The following NCF4 variants were observed in gnomAD, a reference collection of about 807,000 sequenced individuals.
NCF4 encodes the protein neutrophil cytosolic factor 4.
A neutral mutation model predicts 41.7 loss-of-function variants in NCF4; 30 were observed. The ratio of observed to expected loss-of-function variants is 0.72; its 90% confidence interval spans 0.54 to 0.97. The LOEUF (loss-of-function observed/expected upper bound fraction) is 0.97. Among genes scored for constraint, NCF4 ranks in the 50% least tolerant of loss-of-function variants. The pLI is 0.00. For synonymous variants in NCF4, 195 were observed against 175.8 expected, an observed-to-expected ratio of 1.11 and a Z score of -0.87; for missense variants, 432 against 460.9, an observed-to-expected ratio of 0.94 and a Z score of 0.57.
intron 4 of NCF4, among the ~76,000 whole-genome samples, chr22:36,869,128 T>A (rs973756513): frequency 1.3e-5 from 2 of 152,220 alleles, no homozygotes; most frequent in African/African-American, 4.8e-5. Context: ...GAGTTAAGTG[T>A]GACAGAGCAG....
At chr22:36,873,008 ATGGAGGTGAGAC>A (rs1313678532) in intron 7 of NCF4, among the ~76,000 whole-genome samples, 3 of 95,368 alleles carry the variant, frequency 3.1e-5, no homozygotes, top group Non-Finnish European at 4.2e-5. Flanking sequence ...GGAGGTGAGG[ATGGAGGTGAGAC>A]TGGAGGTGAG....
chr22:36,866,071 C>T (rs968721812), intron 3 of NCF4, among the ~76,000 whole-genome samples: 1 of 152,184 alleles, frequency 6.6e-6, no homozygotes, highest in African/African-American at 2.4e-5. Flanking sequence ...CAGCCTCAAC[C>T]CTCTTCTGTC....
At chr22:36,869,224 A>T (rs1939997114) in intron 4 of NCF4, among the ~76,000 whole-genome samples, 1 of 152,196 alleles carries the variant, frequency 6.6e-6, no homozygotes, top group Non-Finnish European at 1.5e-5. Flanking sequence ...TGTAATGAAA[A>T]TCACAGTAAC....
chr22:36,875,597 C>T (rs772646618), intron 7 of NCF4, 56 bp from the exon 8 acceptor site: 49 of 1,520,044 alleles, frequency 3.2e-5, no homozygotes, highest in Non-Finnish European at 4.2e-5. Context: ...GGCTCTGAGG[C>T]GTGGCTCTGC....
chr22:36,874,060 AG>A (rs1198526334), intron 7 of NCF4, among the ~76,000 whole-genome samples: 1 of 152,208 alleles, frequency 6.6e-6, no homozygotes, highest in Non-Finnish European at 1.5e-5. Context: ...CTTCCTGGAA[AG>A]GGTAAAGGAG....
intron 2 of NCF4, among the ~76,000 whole-genome samples, chr22:36,864,614 C>A (rs746351558): frequency 1.3e-5 from 2 of 152,084 alleles, no homozygotes; most frequent in Non-Finnish European, 2.9e-5. Flanking sequence ...CAAGGCATGG[C>A]TCCTCATTTC....
intron 8 of NCF4, 112 bp from the exon 9 acceptor site, chr22:36,875,917 G>A (rs1451677031): frequency 6.2e-7 from 1 of 1,614,060 alleles, no homozygotes; most frequent in South Asian, 1.1e-5. Flanking sequence ...CCACAATGCT[G>A]TAACAAGCCA....
chr22:36,861,741 T>C (rs1412233832), intron 1 of NCF4, among the ~76,000 whole-genome samples: 1 of 152,244 alleles, frequency 6.6e-6, no homozygotes, highest in East Asian at 1.9e-4. Context: ...TATTTTTTCT[T>C]GAACGTTGGC....
Position 36,861,163 on chromosome 22 carries a change from T to C in NCF4, c.-9T>C. On this transcript the variant is annotated 5_prime_UTR_variant, in exon 1 of 10. Coordinates refer to ENST00000248899, the MANE Select transcript of NCF4 (RefSeq NM_000631.5). ...ACTCTCCACCTGCTCCCTGGGACCA[T>C]CGCCCACCATGGCTGTGGCCCAGCA... 6.4e-7 allele frequency: 1 copy of C among 1,551,448 alleles called. No homozygotes were observed. Among genetic ancestry groups the C allele is most frequent in the Non-Finnish European group, 8.7e-7 (1 of 1,146,810 alleles).
intron 5 of NCF4, among the ~76,000 whole-genome samples, chr22:36,871,382 C>T (rs1940051061): frequency 6.6e-6 from 1 of 152,222 alleles, no homozygotes; most frequent in Non-Finnish European, 1.5e-5. Context: ...AAGTGAAAGG[C>T]ACCGAATGAG....
chr22:36,866,014 A>G (rs779309363), intron 3 of NCF4, among the ~76,000 whole-genome samples: 12 of 151,168 alleles, frequency 7.9e-5, no homozygotes, highest in Non-Finnish European at 1.3e-4. Context: ...TTCCTTGTAT[A>G]TTCATCTTCC....
intron 1 of NCF4, 94 bp from the exon 2 acceptor site, chr22:36,863,951 A>G: frequency 8.4e-7 from 1 of 1,192,182 alleles, no homozygotes. Context: ...TGGCTTCACA[A>G]CATTAGTTTG....
intron 4 of NCF4, among the ~76,000 whole-genome samples, chr22:36,868,769 C>T (rs899467951): frequency 2.6e-5 from 4 of 152,198 alleles, no homozygotes; most frequent in African/African-American, 9.7e-5. Context: ...GAGGATCCAT[C>T]TCTGCCTCTT....
chr22:36,877,998 C>G lies in NCF4; in HGVS notation c.*175C>G, dbSNP rs1482717550. 4.5e-6 allele frequency: 3 copies of G among 670,112 alleles called. No homozygotes were observed. Among genetic ancestry groups the G allele is most frequent in the African/African-American group, 3.6e-5 (2 of 55,028 alleles). 41.5% of individuals were successfully genotyped at this position (670,112 alleles called of 1,614,324 possible). A position where few individuals can be genotyped will look rare whatever the true frequency, so the allele number is the denominator to read the frequency against. ...CTATTTACATCTGATTTAAATAAACCATTCCATCTGAAAGGGGCAGGCTGC... is the reference window on the plus strand; with the variant it reads ...CTATTTACATCTGATTTAAATAAACGATTCCATCTGAAAGGGGCAGGCTGC... On this transcript the variant is annotated 3_prime_UTR_variant, in exon 10 of 10. Coordinates refer to ENST00000248899, the MANE Select transcript of NCF4 (RefSeq NM_000631.5).
Position 36,865,234 on chromosome 22 carries a change from A to T in NCF4, c.271+162A>T, listed in dbSNP as rs1311715653. 6.6e-6 allele frequency among the ~76,000 whole-genome samples: 1 copy of T among 151,814 alleles called. No individual in the cohort carries two copies. The highest frequency in any genetic ancestry group is 1.5e-5 in the Non-Finnish European group (1 of 67,924). On this transcript the variant is annotated intron_variant, in intron 3 of 9. Coordinates refer to ENST00000248899, the MANE Select transcript of NCF4 (RefSeq NM_000631.5). This position sits in a 1 kb window ranked among gnomAD's most constrained non-coding sequence, Gnocchi z 4.3. Reference sequence around the variant, plus strand: ...TTACAGGCTGCCAAGCCCTCCCTGCATGGCTCCCCCTGCCTCACGCCATGG... The same window carrying T: ...TTACAGGCTGCCAAGCCCTCCCTGCTTGGCTCCCCCTGCCTCACGCCATGG...
At chr22:36,868,241 A>C (rs1416275330) in intron 4 of NCF4, among the ~76,000 whole-genome samples, 1 of 152,194 alleles carries the variant, frequency 6.6e-6, no homozygotes, top group African/African-American at 2.4e-5. Flanking sequence ...CGGCATCCTC[A>C]CAGCTGGAGA....
At chr22:36,871,967 T>G (rs1372788018) in intron 6 of NCF4, among the ~76,000 whole-genome samples, 1 of 152,252 alleles carries the variant, frequency 6.6e-6, no homozygotes, top group Non-Finnish European at 1.5e-5. Flanking sequence ...ACAGTTTACC[T>G]GGGCCTCCTC....
chr22:36,875,153 C>T (rs1940164863), intron 7 of NCF4, among the ~76,000 whole-genome samples: 1 of 152,118 alleles, frequency 6.6e-6, no homozygotes, highest in Non-Finnish European at 1.5e-5. Flanking sequence ...CTTCCGCCTC[C>T]CGAGTAGCTG....
intron 7 of NCF4, 43 bp from the exon 8 acceptor site, chr22:36,875,610 C>T (rs755392691): frequency 2.5e-6 from 4 of 1,580,626 alleles, no homozygotes; most frequent in East Asian, 2.2e-5. Flanking sequence ...GGCTCTGCTG[C>T]CTCTCCTCTC....
Sources: gnomAD v4.1 joint callset for allele counts (sites outside exome capture counted in the v4.1 genomes callset) on GRCh38, gnomAD v4.1.1 for gene constraint, Gnocchi (gnomAD v3.1) non-coding constraint, MANE v1.5 for transcripts, NCBI Gene and HGNC (gene_info 2026-07-23, HGNC 2026-07-21) for gene names.